ZNF385D: variants seen among roughly 807,000 people sequenced by gnomAD.
ZNF385D encodes zinc finger protein 659.
ZNF385D carries 15 observed loss-of-function variants against 35.8 expected under a neutral mutation model. The ratio of observed to expected loss-of-function variants is 0.42; its 90% CI spans 0.28 to 0.64. ZNF385D has a LOEUF of 0.64. Ranked by LOEUF, ZNF385D falls within the 30% of genes least tolerant of loss-of-function variation. ZNF385D has a pLI of 0.23. For synonymous variants in ZNF385D, 212 were observed against 186.8 expected, an observed-to-expected ratio of 1.13 and a Z score of -1.10; for missense variants, 474 against 494.6, an observed-to-expected ratio of 0.96 and a Z score of 0.39.
intron 2 of ZNF385D, among the ~76,000 whole-genome samples, chr3:22,169,993 A>C (rs1370878693): frequency 6.6e-6 from 1 of 152,158 alleles, no homozygotes; most frequent in African/African-American, 2.4e-5. Flanking sequence ...TAACTATTGT[A>C]ATCTATATTT....
At chr3:21,605,107 T>C (rs565112966) in intron 2 of ZNF385D, among the ~76,000 whole-genome samples, 2 of 152,066 alleles carry the variant, frequency 1.3e-5, no homozygotes, top group African/African-American at 4.8e-5. Context: ...ATGAAAGGCA[T>C]GTATGGAGGA....
chr3:22,232,009 C>A (rs1377967641), intron 2 of ZNF385D, among the ~76,000 whole-genome samples: 1 of 152,080 alleles, frequency 6.6e-6, no homozygotes, highest in Non-Finnish European at 1.5e-5. Flanking sequence ...TGAGGCCCCC[C>A]AAAAGGAGAA....
chr3:22,259,846 A>C (rs1700529100), intron 2 of ZNF385D, among the ~76,000 whole-genome samples: 1 of 151,604 alleles, frequency 6.6e-6, no homozygotes, highest in Non-Finnish European at 1.5e-5. Context: ...AAAAAAAAAA[A>C]CTAATACAAA....
intron 3 of ZNF385D, among the ~76,000 whole-genome samples, chr3:22,030,294 T>TAC (rs2125477750): frequency 9.6e-6 from 1 of 104,360 alleles, no homozygotes; most frequent in East Asian, 3.1e-4. Context: ...TATATATATA[T>TAC]ATATATATCC....
intron 3 of ZNF385D, among the ~76,000 whole-genome samples, chr3:22,047,619 T>C (rs2125520126): frequency 6.6e-6 from 1 of 152,238 alleles, no homozygotes; most frequent in Middle Eastern, 3.4e-3. Context: ...TGTGCATAAA[T>C]ATACACATTT....
At chr3:21,599,303 G>A (rs1559446981) in intron 2 of ZNF385D, among the ~76,000 whole-genome samples, 1 of 152,152 alleles carries the variant, frequency 6.6e-6, no homozygotes, top group Non-Finnish European at 1.5e-5. Flanking sequence ...TGTTTGTTTG[G>A]CAAATACCAA....
At chr3:22,156,539 A>C (rs1705594550) in intron 3 of ZNF385D, among the ~76,000 whole-genome samples, 1 of 152,116 alleles carries the variant, frequency 6.6e-6, no homozygotes, top group African/African-American at 2.4e-5. Flanking sequence ...AACATCGCTG[A>C]AAATATAACA....
intron 3 of ZNF385D, among the ~76,000 whole-genome samples, chr3:22,008,360 C>CATTTTTTTTTTTT (rs773952386): frequency 0.1 from 13,611 of 130,594 alleles, 1,375 homozygotes; most frequent in South Asian, 0.19. Flanking sequence ...CCATGATTTT[C>CATTTTTTTTTTTT]TTTTTTTTTT....
intron 2 of ZNF385D, among the ~76,000 whole-genome samples, chr3:22,341,280 G>T (rs928894105): frequency 3.3e-5 from 5 of 152,132 alleles, no homozygotes; most frequent in African/African-American, 1.2e-4. Flanking sequence ...CAGGCTAAAT[G>T]TGCCTGCCAC....
intron 3 of ZNF385D, among the ~76,000 whole-genome samples, chr3:21,796,854 G>A (rs1266625870): frequency 6.6e-6 from 1 of 152,174 alleles, no homozygotes; most frequent in Non-Finnish European, 1.5e-5. Flanking sequence ...CAGTCCACAA[G>A]GCACTGGTAA....
At chr3:22,155,086 T>C (rs375684607) in intron 3 of ZNF385D, among the ~76,000 whole-genome samples, 9 of 152,172 alleles carry the variant, frequency 5.9e-5, no homozygotes, top group East Asian at 3.9e-4. Context: ...AATATTATTA[T>C]TGACAGAATT....
chr3:21,663,224 A>G (rs1208662820), intron 2 of ZNF385D, among the ~76,000 whole-genome samples: 1 of 152,140 alleles, frequency 6.6e-6, no homozygotes, highest in Admixed American at 6.5e-5. Flanking sequence ...AGGTAAAGAG[A>G]TTTGCTCAGG....
chr3:22,221,350 T>C (rs1296006783), intron 2 of ZNF385D, among the ~76,000 whole-genome samples: 1 of 152,154 alleles, frequency 6.6e-6, no homozygotes, highest in Non-Finnish European at 1.5e-5. Context: ...GCTTCAAAAG[T>C]TATCAATTCA....
intron 3 of ZNF385D, among the ~76,000 whole-genome samples, chr3:22,107,048 G>T: frequency 1.9e-5 from 1 of 52,232 alleles, no homozygotes. Flanking sequence ...TTTTTAGACA[G>T]AGTTTTGCTC....
At chr3:22,247,615 TTTTATTTATTTA>T (rs71266432) in intron 2 of ZNF385D, among the ~76,000 whole-genome samples, 2 of 148,204 alleles carry the variant, frequency 1.3e-5, no homozygotes, top group African/African-American at 5.0e-5. Flanking sequence ...CATTTTACAA[TTTTATTTATTTA>T]TTTATTTATT....
At chr3:22,372,002 C>A (rs982115392) in intron 2 of ZNF385D, among the ~76,000 whole-genome samples, 1 of 152,142 alleles carries the variant, frequency 6.6e-6, no homozygotes, top group African/African-American at 2.4e-5. Context: ...CCAACAACTT[C>A]GCCAGGTTTC....
rs191432228 is a variant in ZNF385D, at chr3:22,187,425, T to C, written c.107-18390A>G. ...TAATTAATTTAGAAAAATCAACTTA[T>C]AAAATATGAAAACTTTCCTATGGTG... is the stretch of plus-strand genomic sequence containing the variant. On this transcript the variant is annotated intron_variant, in intron 2 of 5. Coordinates refer to the ZNF385D transcript ENST00000494108. Among the ~76,000 whole-genome samples, 857 of 152,240 alleles carry C rather than the reference T, an allele frequency of 5.6e-3. 5 individuals carry two copies. The highest frequency in any genetic ancestry group is 8.7e-3 in the Non-Finnish European group (590 of 68,014).
chr3:21,827,978 G>A (rs1014513068), intron 3 of ZNF385D, among the ~76,000 whole-genome samples: 1 of 152,174 alleles, frequency 6.6e-6, no homozygotes, highest in Non-Finnish European at 1.5e-5. Context: ...CTATGAGTCA[G>A]TTGTGTTGGA....
chr3:21,775,925 A>C (rs903096263), intron 3 of ZNF385D, among the ~76,000 whole-genome samples: 1 of 151,768 alleles, frequency 6.6e-6, no homozygotes, highest in Non-Finnish European at 1.5e-5. Flanking sequence ...GAAAATAAGT[A>C]CTCATAATTC....
Sources: gnomAD v4.1 joint callset for allele counts (sites outside exome capture counted in the v4.1 genomes callset) on GRCh38, gnomAD v4.1.1 for gene constraint, MANE v1.5 for transcripts, NCBI Gene and HGNC (gene_info 2026-07-23, HGNC 2026-07-21) for gene names.